The following PRTFDC1 variants were observed in gnomAD, a reference collection of about 807,000 sequenced individuals.
PRTFDC1 encodes the protein phosphoribosyl transferase domain containing 1.
Under a neutral mutation model 34.6 loss-of-function variants are expected in PRTFDC1, and 38 were observed. The ratio of observed to expected loss-of-function variants is 1.10; its 90% CI spans 0.85 to 1.44. The LOEUF (loss-of-function observed/expected upper bound fraction) is 1.44. PRTFDC1 is among the 40% of genes most tolerant of loss of function. The pLI, the probability that PRTFDC1 is intolerant of heterozygous loss-of-function variation, is 0.00. For synonymous variants in PRTFDC1, 93 were observed against 98.1 expected (o/e 0.95, Z 0.31); for missense variants, 270 against 283.0 (o/e 0.95, Z 0.33).
chr10:24,911,021 C>T (rs538885513), intron 3 of PRTFDC1, among the ~76,000 whole-genome samples: 6 of 151,754 alleles, frequency 4.0e-5, no homozygotes, highest in South Asian at 2.1e-4. Flanking sequence ...TATCGAATTC[C>T]AATTAAAATG....
intron 3 of PRTFDC1, among the ~76,000 whole-genome samples, chr10:24,894,996 A>G (rs1848326705): frequency 6.6e-6 from 1 of 152,146 alleles, no homozygotes; most frequent in South Asian, 2.1e-4. Flanking sequence ...TCATGAAAGA[A>G]AACCCTGGGC....
chr10:24,880,372 C>A (rs905280589), intron 3 of PRTFDC1, among the ~76,000 whole-genome samples: 23 of 151,932 alleles, frequency 1.5e-4, no homozygotes, highest in Non-Finnish European at 2.6e-4. Context: ...CCTGCCTTAG[C>A]CTCCCAGGTA....
intron 3 of PRTFDC1, among the ~76,000 whole-genome samples, chr10:24,928,398 T>C (rs1489145404): frequency 1.3e-5 from 2 of 152,140 alleles, no homozygotes; most frequent in Non-Finnish European, 2.9e-5. Context: ...AAGGTGAGAC[T>C]CTGCTAAACA....
intron 3 of PRTFDC1, among the ~76,000 whole-genome samples, chr10:24,886,211 C>T (rs567491930): frequency 6.6e-6 from 1 of 151,734 alleles, no homozygotes; most frequent in African/African-American, 2.4e-5. Flanking sequence ...TGTTGATAAG[C>T]GGGGAGTCTA....
At chr10:24,893,094 A>G (rs1164061945) in intron 3 of PRTFDC1, among the ~76,000 whole-genome samples, 1 of 152,192 alleles carries the variant, frequency 6.6e-6, no homozygotes, top group Non-Finnish European at 1.5e-5. Flanking sequence ...AGCACATCCT[A>G]TGTTACATAA....
intron 3 of PRTFDC1, among the ~76,000 whole-genome samples, chr10:24,936,036 C>G (rs952508255): frequency 9.2e-5 from 14 of 152,280 alleles, no homozygotes; most frequent in Admixed American, 7.8e-4. Context: ...AGATAATACA[C>G]GTGTATGTTG....
At chr10:24,892,205 T>C (rs1848274652) in intron 3 of PRTFDC1, among the ~76,000 whole-genome samples, 1 of 152,200 alleles carries the variant, frequency 6.6e-6, no homozygotes, top group African/African-American at 2.4e-5. Flanking sequence ...CAGGCTGATC[T>C]TGAACTCCTG....
chr10:24,883,816 AC>A (rs1185033389), intron 3 of PRTFDC1, among the ~76,000 whole-genome samples: 4 of 113,706 alleles, frequency 3.5e-5, no homozygotes, highest in Admixed American at 3.1e-4. Flanking sequence ...TTCTTAAGAG[AC>A]CTTTTTTTTT....
At chr10:24,860,491 G>A (rs754437043) in intron 4 of PRTFDC1, among the ~76,000 whole-genome samples, 1 of 152,082 alleles carries the variant, frequency 6.6e-6, no homozygotes, top group African/African-American at 2.4e-5. Context: ...CAAACCAGCC[G>A]ACCAACAACT....
intron 3 of PRTFDC1, among the ~76,000 whole-genome samples, chr10:24,883,035 A>T (rs1448891751): frequency 6.7e-6 from 1 of 148,478 alleles, no homozygotes; most frequent in Non-Finnish European, 1.5e-5. Context: ...AAATATGTTT[A>T]TATATAAACA....
intron 3 of PRTFDC1, among the ~76,000 whole-genome samples, chr10:24,920,410 T>G (rs1489017767): frequency 6.6e-6 from 1 of 152,134 alleles, no homozygotes; most frequent in Non-Finnish European, 1.5e-5. Context: ...GAAGCCATTA[T>G]AGTCAGCAAA....
At chr10:24,861,648 A>T (rs1219084974) in intron 4 of PRTFDC1, among the ~76,000 whole-genome samples, 2 of 151,966 alleles carry the variant, frequency 1.3e-5, no homozygotes, top group Non-Finnish European at 2.9e-5. Context: ...TAACTCTTTT[A>T]GCTGTTTTTC....
At chr10:24,929,975 C>T (rs190670498) in intron 3 of PRTFDC1, among the ~76,000 whole-genome samples, 138 of 152,208 alleles carry the variant, frequency 9.1e-4, no homozygotes, top group Non-Finnish European at 1.6e-3. Context: ...ATCATTTGAT[C>T]CCAGGGAGGT....
intron 3 of PRTFDC1, among the ~76,000 whole-genome samples, chr10:24,880,932 C>T (rs553293178): frequency 7.1e-6 from 1 of 140,050 alleles, no homozygotes; most frequent in South Asian, 2.3e-4. Flanking sequence ...TCTTTCTTTC[C>T]CCTTTCTTTC....
At chr10:24,865,710 C>T (rs1043161882) in intron 4 of PRTFDC1, among the ~76,000 whole-genome samples, 3 of 152,174 alleles carry the variant, frequency 2.0e-5, no homozygotes, top group African/African-American at 7.2e-5. Flanking sequence ...ATAGGTTATT[C>T]CTACTTCTAG....
intron 3 of PRTFDC1, among the ~76,000 whole-genome samples, chr10:24,929,064 G>C (rs951045038): frequency 1.0e-5 from 1 of 100,486 alleles, no homozygotes; most frequent in Non-Finnish European, 1.9e-5. Flanking sequence ...AAGAAAGAAA[G>C]AAAGAAAGAA....
chr10:24,952,308 G>T lies in PRTFDC1; in HGVS notation c.48+220C>A, dbSNP rs1279325059. 2.0e-5 allele frequency among the ~76,000 whole-genome samples: 3 copies of T among 151,896 alleles called. No individual in the cohort carries two copies. Among genetic ancestry groups the T allele is most frequent in the Admixed American group, 6.5e-5 (1 of 15,272 alleles). Reference sequence around the variant, plus strand: ...TACCGGCCGGAGGACACGGGGGGACGCTGGGAACTCGGGGTGAAGGGACGG... The same window carrying T: ...TACCGGCCGGAGGACACGGGGGGACTCTGGGAACTCGGGGTGAAGGGACGG... On this transcript the variant is annotated intron_variant, in intron 1 of 8. Coordinates refer to ENST00000320152, the MANE Select transcript of PRTFDC1 (RefSeq NM_020200.7). This position sits in a 1 kb window ranked among gnomAD's most constrained non-coding sequence, Gnocchi z 5.1.
chr10:24,925,618 A>G (rs1848859540), intron 3 of PRTFDC1, among the ~76,000 whole-genome samples: 1 of 152,236 alleles, frequency 6.6e-6, no homozygotes, highest in Non-Finnish European at 1.5e-5. Flanking sequence ...AAGCTTTCAA[A>G]TGATAAACGG....
intron 7 of PRTFDC1, 23 bp from the exon 8 acceptor site, chr10:24,851,487 A>G: frequency 6.3e-7 from 1 of 1,587,816 alleles, no homozygotes; most frequent in Non-Finnish European, 8.5e-7. Flanking sequence ...AGAAAGAGAA[A>G]AAAAAAAAGG....
Sources: gnomAD v4.1 joint callset for allele counts (sites outside exome capture counted in the v4.1 genomes callset) on GRCh38, gnomAD v4.1.1 for gene constraint, Gnocchi (gnomAD v3.1) non-coding constraint, MANE v1.5 for transcripts, NCBI Gene and HGNC (gene_info 2026-07-23, HGNC 2026-07-21) for gene names.